ITGA9: variants seen among roughly 807,000 people sequenced by gnomAD.
ITGA9 encodes integrin alpha-9.
In ITGA9, 56 loss-of-function variants were observed where a neutral mutation model predicts 127.8. The observed-to-expected ratio is 0.44, with a 90% CI of 0.35 to 0.55. The LOEUF (loss-of-function observed/expected upper bound fraction) is 0.55, where lower values mean the gene tolerates loss of function less well. Among genes scored for constraint, ITGA9 ranks in the 20% least tolerant of loss-of-function variants. ITGA9 has a pLI of 0.00. For missense variants in ITGA9, 1,196 were observed against 1,347.1 expected, an observed-to-expected ratio of 0.89 and a Z score of 1.76; for synonymous variants, 508 against 514.5, an observed-to-expected ratio of 0.99 and a Z score of 0.17.
chr3:37,590,381 G>A (rs1282009642), intron 15 of ITGA9, among the ~76,000 whole-genome samples: 1 of 152,200 alleles, frequency 6.6e-6, no homozygotes. Context: ...TCAGGGTGGA[G>A]TAGAGCTGTG....
chr3:37,741,623 C>T, intron 20 of ITGA9, 107 bp from the exon 21 acceptor site: 1 of 849,010 alleles, frequency 1.2e-6, no homozygotes, highest in Non-Finnish European at 2.0e-6. Context: ...GAGGTGCCAT[C>T]TGCCCTTGGA....
At chr3:37,650,912 G>T (rs1417499724) in intron 16 of ITGA9, among the ~76,000 whole-genome samples, 1 of 152,196 alleles carries the variant, frequency 6.6e-6, no homozygotes, top group Non-Finnish European at 1.5e-5. Context: ...GGACAGTGAC[G>T]AGTGCTATTA....
chr3:37,676,372 G>A (rs1271858429), intron 17 of ITGA9, among the ~76,000 whole-genome samples: 1 of 152,122 alleles, frequency 6.6e-6, no homozygotes, highest in Non-Finnish European at 1.5e-5. Context: ...AACCATATGG[G>A]GCAGCTCTGG....
Position 37,513,844 on chromosome 3 carries a change from A to G in ITGA9, c.979A>G (p.Met327Val). Reference protein sequence around the residue: ...GLSDLLVGAPMFSEIRDEGQV... With the variant: ...GLSDLLVGAPVFSEIRDEGQV... ...CTCTGACCTGCTGGTGGGGGCCCCC[A>G]TGTTTTCTGAGATCAGGGATGAGGG... is the stretch of plus-strand genomic sequence containing the variant. The change falls in exon 9 of 28, where the codon ATG becomes GTG. Residue 327 changes from methionine to valine, a missense_variant. By Grantham distance (21) the Met-to-Val change is conservative. Transcript: ENST00000264741. 6.2e-7 allele frequency: 1 copy of G among 1,613,724 alleles called. No individual in the cohort carries two copies. The highest frequency in any genetic ancestry group is 8.5e-7 in the Non-Finnish European group (1 of 1,179,998).
intron 20 of ITGA9, among the ~76,000 whole-genome samples, chr3:37,738,122 A>G (rs1696387090): frequency 6.6e-6 from 1 of 152,236 alleles, no homozygotes; most frequent in South Asian, 2.1e-4. Flanking sequence ...CTGGTCCACA[A>G]GACTTGGTTA....
At chr3:37,622,181 A>G (rs1001221879) in intron 15 of ITGA9, among the ~76,000 whole-genome samples, 25 of 142,508 alleles carry the variant, frequency 1.8e-4, no homozygotes, top group African/African-American at 5.6e-4. Flanking sequence ...TCCACCTCCC[A>G]GGTTCACACC....
At chr3:37,811,408 C>T (rs1697367068) in intron 27 of ITGA9, among the ~76,000 whole-genome samples, 1 of 152,164 alleles carries the variant, frequency 6.6e-6, no homozygotes, top group African/African-American at 2.4e-5. Context: ...TTGTGTGTGA[C>T]TGGCACCTTT....
intron 17 of ITGA9, among the ~76,000 whole-genome samples, chr3:37,657,801 A>T (rs1700493657): frequency 6.6e-6 from 1 of 152,026 alleles, no homozygotes; most frequent in Admixed American, 6.6e-5. Flanking sequence ...TCAATTTTAG[A>T]TCTTTCCTGC....
At chr3:37,813,410 A>G (rs1697392248) in intron 27 of ITGA9, among the ~76,000 whole-genome samples, 1 of 152,194 alleles carries the variant, frequency 6.6e-6, no homozygotes, top group African/African-American at 2.4e-5. Flanking sequence ...TTTTATCTTT[A>G]GCCATTATCT....
At chr3:37,563,223 A>G (rs1166185964) in intron 15 of ITGA9, among the ~76,000 whole-genome samples, 2 of 152,218 alleles carry the variant, frequency 1.3e-5, no homozygotes, top group Admixed American at 6.5e-5. Flanking sequence ...GTGCAAAACA[A>G]TTCTGTTTGT....
intron 26 of ITGA9, among the ~76,000 whole-genome samples, chr3:37,791,365 C>G (rs539075684): frequency 6.6e-6 from 1 of 152,250 alleles, no homozygotes; most frequent in East Asian, 1.9e-4. Context: ...AGACTGAGGT[C>G]TTTGGTGACA....
chr3:37,525,999 T>A, intron 12 of ITGA9, 27 bp from the exon 13 acceptor site: 1 of 1,612,004 alleles, frequency 6.2e-7, no homozygotes, highest in Non-Finnish European at 8.5e-7. Flanking sequence ...AGCAAGTTTC[T>A]GAACGCTGTA....
At chr3:37,562,473 G>A (rs909113110) in intron 15 of ITGA9, among the ~76,000 whole-genome samples, 10 of 151,956 alleles carry the variant, frequency 6.6e-5, no homozygotes, top group African/African-American at 1.9e-4. Flanking sequence ...CCCCCTCCCC[G>A]CTGCCCCGAA....
chr3:37,502,623 A>G lies in ITGA9; in HGVS notation c.613-555A>G, dbSNP rs117102710. 4.3e-4 allele frequency among the ~76,000 whole-genome samples: 65 copies of G among 152,056 alleles called. No homozygotes were observed. In the East Asian group the frequency reaches 0.012, roughly 27 times the overall value. ...GCTGGTCTCTTGGTTTTGTTCTTCC[A>G]TGTTTGCAGTGGACTGTAATGATCG... is the stretch of plus-strand genomic sequence containing the variant. On this transcript the variant is annotated intron_variant, in intron 5 of 27. Coordinates refer to ENST00000264741, the MANE Select transcript of ITGA9 (RefSeq NM_002207.3).
chr3:37,717,443 A>G (rs1487127808), intron 18 of ITGA9, among the ~76,000 whole-genome samples: 2 of 152,202 alleles, frequency 1.3e-5, no homozygotes, highest in Non-Finnish European at 2.9e-5. Flanking sequence ...AGACTGGGCA[A>G]TTTATGAAGA....
At chr3:37,727,802 A>C (rs1696233627) in intron 18 of ITGA9, among the ~76,000 whole-genome samples, 1 of 152,184 alleles carries the variant, frequency 6.6e-6, no homozygotes, top group East Asian at 1.9e-4. Context: ...TTTTTTATTT[A>C]AATCTTTGTC....
chr3:37,750,034 C>T (rs556540918), intron 22 of ITGA9, among the ~76,000 whole-genome samples: 26 of 143,278 alleles, frequency 1.8e-4, no homozygotes, highest in African/African-American at 6.1e-4. Flanking sequence ...CTCGGCATGA[C>T]CCCCACTCCA....
intron 18 of ITGA9, among the ~76,000 whole-genome samples, chr3:37,729,086 G>T (rs1245698835): frequency 6.6e-6 from 1 of 152,044 alleles, no homozygotes; most frequent in African/African-American, 2.4e-5. Flanking sequence ...TCAAGCTGTT[G>T]TACTTATCTA....
intron 3 of ITGA9, among the ~76,000 whole-genome samples, chr3:37,476,819 C>G (rs549328386): frequency 1.3e-5 from 2 of 152,190 alleles, no homozygotes; most frequent in Non-Finnish European, 2.9e-5. Flanking sequence ...ATGGAAGCCA[C>G]TTGGGGATAG....
Sources: allele counts gnomAD v4.1 joint callset (sites outside exome capture counted in the v4.1 genomes callset), GRCh38; gene constraint gnomAD v4.1.1; transcripts MANE v1.5; gene names NCBI Gene and HGNC (gene_info 2026-07-23, HGNC 2026-07-21).